Variants in UBOX5 observed in about 807,000 individuals in gnomAD.
UBOX5 encodes RING finger protein 37.
In UBOX5, 28 loss-of-function variants were observed where a neutral mutation model predicts 39.0. The observed-to-expected ratio is 0.72, with a 90% CI of 0.53 to 0.98. The LOEUF is 0.98. Ranked by LOEUF, UBOX5 falls within the 50% of genes least tolerant of loss-of-function variation. The probability of loss-of-function intolerance (pLI) is 0.00; values close to 1 mark genes in which losing one functional copy is unlikely to be tolerated. For missense variants in UBOX5, 585 were observed against 674.4 expected (o/e 0.87, Z 1.47); for synonymous variants, 283 against 275.5 (o/e 1.03, Z -0.27).
At chr20:3,133,249 A>G (rs1421695088) in intron 1 of UBOX5, among the ~76,000 whole-genome samples, 1 of 152,228 alleles carries the variant, frequency 6.6e-6, no homozygotes, top group Non-Finnish European at 1.5e-5. Context: ...TTTTAAGGTC[A>G]GATGCCTTCT....
chr20:3,113,949 C>T (rs56713006), intron 4 of UBOX5, among the ~76,000 whole-genome samples: 9 of 152,198 alleles, frequency 5.9e-5, no homozygotes, highest in African/African-American at 2.2e-4. Flanking sequence ...GCCTGGCCAA[C>T]ATGGTGAAAC....
At chr20:3,143,294 G>A (rs2066533633) in intron 1 of UBOX5, among the ~76,000 whole-genome samples, 1 of 151,490 alleles carries the variant, frequency 6.6e-6, no homozygotes, top group Admixed American at 6.6e-5. Context: ...GTAGAGACAG[G>A]TTTCACCATG....
At chr20:3,114,429 C>T (rs1310109888) in intron 4 of UBOX5, among the ~76,000 whole-genome samples, 4 of 152,096 alleles carry the variant, frequency 2.6e-5, no homozygotes, top group Middle Eastern at 3.2e-3. Flanking sequence ...AAATGCCTCC[C>T]GTTGCAATCA....
intron 1 of UBOX5, among the ~76,000 whole-genome samples, chr20:3,146,124 G>A (rs950188279): frequency 2.0e-5 from 3 of 151,560 alleles, no homozygotes; most frequent in Admixed American, 6.6e-5. Context: ...GCGGATCACC[G>A]GAAGTCAGGA....
chr20:3,147,932 A>C (rs41304800), intron 1 of UBOX5: 153,277 of 1,614,132 alleles, frequency 0.095, 8,096 homozygotes, highest in Non-Finnish European at 0.11. Flanking sequence ...CTGAGGAGCT[A>C]TCTCTCCAAT....
intron 2 of UBOX5, 131 bp from the exon 3 acceptor site, chr20:3,122,715 G>T: frequency 7.7e-7 from 1 of 1,292,438 alleles, no homozygotes; most frequent in Non-Finnish European, 1.0e-6. Flanking sequence ...CCAGATCAGG[G>T]CACCCAAGAT....
At chr20:3,147,092 T>A in intron 1 of UBOX5, 1 of 1,614,144 alleles carries the variant, frequency 6.2e-7, no homozygotes, top group Non-Finnish European at 8.5e-7. Flanking sequence ...TACAGCTGCC[T>A]TATTCTCCAA....
At position 3,110,050 on chromosome 20, in the gene UBOX5, C is replaced by G; in HGVS notation, c.*56G>C. The G allele has an allele frequency of 6.3e-7, 1 of 1,596,560 alleles. No homozygotes were observed. Among genetic ancestry groups the G allele is most frequent in the Non-Finnish European group, 8.5e-7 (1 of 1,175,574 alleles). On this transcript the variant is annotated 3_prime_UTR_variant, in exon 5 of 5. Coordinates refer to ENST00000217173, the MANE Select transcript of UBOX5 (RefSeq NM_014948.4). ...ACCTCAGGGGTGCTGTGGCCCTGCT[C>G]CTGTTCCCCCTCAGCTCCTCCCAGC...
intron 1 of UBOX5, among the ~76,000 whole-genome samples, chr20:3,126,102 C>T (rs1470642790): frequency 6.6e-6 from 1 of 152,146 alleles, no homozygotes; most frequent in Admixed American, 6.5e-5. Context: ...AAAGAGAGAT[C>T]AGATTGTTAC....
intron 1 of UBOX5, among the ~76,000 whole-genome samples, chr20:3,153,145 T>G (rs1009326225): frequency 6.6e-6 from 1 of 152,230 alleles, no homozygotes; most frequent in Non-Finnish European, 1.5e-5. Context: ...TTTAAAACAT[T>G]AAATAATTAA....
intron 1 of UBOX5, among the ~76,000 whole-genome samples, chr20:3,127,581 A>G: frequency 6.6e-6 from 1 of 152,192 alleles, no homozygotes; most frequent in South Asian, 2.1e-4. Flanking sequence ...TGAAAATCAC[A>G]TCACCGAGAG....
At chr20:3,124,342 T>C (rs1477525060) in intron 1 of UBOX5, among the ~76,000 whole-genome samples, 1 of 152,214 alleles carries the variant, frequency 6.6e-6, no homozygotes, top group African/African-American at 2.4e-5. Flanking sequence ...TGCCTCGGCC[T>C]GCCGAGTGCC....
chr20:3,135,348 C>T (rs943875260), intron 1 of UBOX5, among the ~76,000 whole-genome samples: 22 of 152,044 alleles, frequency 1.4e-4, no homozygotes, highest in African/African-American at 5.3e-4. Context: ...AGAACATGAA[C>T]AAAAGAGAAG....
chr20:3,111,199 G>T (rs560694612), intron 4 of UBOX5, among the ~76,000 whole-genome samples: 28 of 152,324 alleles, frequency 1.8e-4, no homozygotes, highest in Non-Finnish European at 3.4e-4. Flanking sequence ...AGTGACAGGG[G>T]ATGGGCTTGC....
At chr20:3,120,041 A>T (rs553117826) in intron 3 of UBOX5, among the ~76,000 whole-genome samples, 1 of 151,600 alleles carries the variant, frequency 6.6e-6, no homozygotes, top group Non-Finnish European at 1.5e-5. Flanking sequence ...GGAAGCCAGG[A>T]TCCTTAAATC....
chr20:3,128,670 C>T (rs1458397419), intron 1 of UBOX5, among the ~76,000 whole-genome samples: 4 of 151,938 alleles, frequency 2.6e-5, no homozygotes, highest in East Asian at 1.9e-4. Flanking sequence ...GAGATCAGCC[C>T]GGGCAACACA....
chr20:3,142,772 C>CAA lies in UBOX5; in HGVS notation c.-42+16992_-42+16993dup, dbSNP rs58907108. The stretch of plus-strand genomic sequence containing the variant: ...TGGGCGACAGAGAGAAACTCTGTCT[C>CAA]AAAAAAAAAAAAAAAAAAAAGAAAA... On this transcript the variant is annotated intron_variant, in intron 1 of 4. Transcript: ENST00000217173. 3.3e-3 allele frequency among the ~76,000 whole-genome samples: 259 copies of CAA among 77,452 alleles called. 1 individual carries two copies. Among genetic ancestry groups the CAA allele is most frequent in the East Asian group, 4.2e-3 (11 of 2,646 alleles). 50.8% of individuals were successfully genotyped at this position (77,452 alleles called of 152,430 possible).
chr20:3,117,816 ACC>A (rs2066305052), intron 3 of UBOX5, among the ~76,000 whole-genome samples: 1 of 151,870 alleles, frequency 6.6e-6, no homozygotes, highest in Non-Finnish European at 1.5e-5. Flanking sequence ...ACATGGCGAA[ACC>A]CCATCTCTAC....
chr20:3,147,616 A>G, intron 1 of UBOX5: 1 of 1,614,228 alleles, frequency 6.2e-7, no homozygotes, highest in South Asian at 1.1e-5. Context: ...ACTCTACTGG[A>G]AAGTACTCCA....
Sources: gnomAD v4.1 joint callset for allele counts (sites outside exome capture counted in the v4.1 genomes callset) on GRCh38, gnomAD v4.1.1 for gene constraint, MANE v1.5 for transcripts, NCBI Gene and HGNC (gene_info 2026-07-23, HGNC 2026-07-21) for gene names.